CAVIN4: variants seen among roughly 807,000 people sequenced by gnomAD.
CAVIN4 encodes caveolae associated protein 4, also known as caveolae-associated protein 4.
In CAVIN4, 10 loss-of-function variants were observed where a neutral mutation model predicts 18.6. The ratio of observed to expected loss-of-function variants is 0.54; its 90% CI spans 0.33 to 0.91. The LOEUF is 0.91. Among genes scored for constraint, CAVIN4 ranks in the 40% least tolerant of loss-of-function variants. The pLI is 0.02. For synonymous variants in CAVIN4, 173 were observed against 164.8 expected (o/e 1.05, Z -0.38); for missense variants, 459 against 440.5 (o/e 1.04, Z -0.38).
intron 1 of CAVIN4, among the ~76,000 whole-genome samples, chr9:100,585,185 T>C (rs1839463897): frequency 6.6e-6 from 1 of 152,186 alleles, no homozygotes; most frequent in Admixed American, 6.5e-5. Flanking sequence ...AGGGCCGGAA[T>C]CAAGACATTG....
chr9:100,585,823 A>G lies in CAVIN4; in HGVS notation c.467A>G (p.Asn156Ser). 6.2e-7 allele frequency: 1 copy of G among 1,614,128 alleles called. No individual in the cohort carries two copies. The highest frequency in any genetic ancestry group is 8.5e-7 in the Non-Finnish European group (1 of 1,180,022). ...GTTAAAGACAGAAACCTAACTGAGA[A>G]CCAAGAAGAGGATGATGATGATATC... ...SVVKDRNLTE[N>S]QEEDDDDIFD... The change falls in exon 2 of 2, where the codon AAC (asparagine) becomes AGC (serine). Residue 156 changes from asparagine to serine, a missense_variant. Asn to Ser is a conservative substitution (Grantham distance 46, BLOSUM62 1). Coordinates refer to ENST00000307584, the MANE Select transcript of CAVIN4 (RefSeq NM_001018116.2).
intron 1 of CAVIN4, among the ~76,000 whole-genome samples, chr9:100,585,296 A>G (rs1196901004): frequency 6.6e-6 from 1 of 152,106 alleles, no homozygotes; most frequent in Non-Finnish European, 1.5e-5. Flanking sequence ...AGGAGAGGAA[A>G]TATTTGGGAT....
Position 100,586,647 on chromosome 9 carries a change from C to T in CAVIN4, c.*196C>T. Reference sequence around the variant, plus strand: ...GCTGTGGATTTTTTAGTTCCTTTCTCTTGTCCACCAGAAAAATAGTTTCCT... The same window carrying T: ...GCTGTGGATTTTTTAGTTCCTTTCTTTTGTCCACCAGAAAAATAGTTTCCT... On this transcript the variant is annotated 3_prime_UTR_variant, in exon 2 of 2. Transcript: ENST00000307584. 1 of 434,508 alleles carries T rather than the reference C, an allele frequency of 2.3e-6. No individual in the cohort carries two copies. Among genetic ancestry groups the T allele is most frequent in the East Asian group, 3.9e-5 (1 of 25,342 alleles). 26.9% of individuals were successfully genotyped at this position (434,508 alleles called of 1,614,324 possible).
At chr9:100,585,323 C>T (rs1253415051) in intron 1 of CAVIN4, among the ~76,000 whole-genome samples, 1 of 152,098 alleles carries the variant, frequency 6.6e-6, no homozygotes, top group East Asian at 1.9e-4. Context: ...TCAGGTGTTT[C>T]TATCTTATGT....
At chr9:100,579,364 T>A (rs1839405003) in intron 1 of CAVIN4, among the ~76,000 whole-genome samples, 1 of 152,144 alleles carries the variant, frequency 6.6e-6, no homozygotes, top group Non-Finnish European at 1.5e-5. Flanking sequence ...TGAACATTCC[T>A]TCACAGTAGA....
rs1839390330 is a variant in CAVIN4 at position 100,578,355 on chromosome 9, A to T, written c.212A>T (p.Asp71Val). The change falls in exon 1 of 2, where the codon GAC (aspartate) becomes GTC (valine). Residue 71 changes from aspartate (D) to valine (V), a missense_variant. Coordinates refer to ENST00000307584, the MANE Select transcript of CAVIN4 (RefSeq NM_001018116.2). ...AATGCCATAAAATCCGTCCAGATTG[A>T]CCTGTTGAAGCTTTCACAGTCGCAT... ...MENAIKSVQIDLLKLSQSHSN... is the reference protein window; with the variant it reads ...MENAIKSVQIVLLKLSQSHSN... The T allele has an allele frequency of 6.2e-7, 1 of 1,614,086 alleles. No homozygotes were observed. Among genetic ancestry groups the T allele is most frequent in the African/African-American group, 1.3e-5 (1 of 75,014 alleles).
In CAVIN4 at chr9:100,578,175, A is replaced by G. The variant is rs766849829; in HGVS notation, c.32A>G (p.Asp11Gly). 6.2e-7 allele frequency: 1 copy of G among 1,613,926 alleles called. No individual in the cohort carries two copies. The highest frequency in any genetic ancestry group is 1.7e-5 in the Admixed American group (1 of 60,004). MEHNGSASNADKIHQNRLSSV... is the reference protein window; with the variant it reads MEHNGSASNAGKIHQNRLSSV... ...CATAATGGGTCTGCTTCAAATGCTG[A>G]TAAAATCCACCAGAATCGCCTGTCG... The change falls in exon 1 of 2, where the codon GAT becomes GGT. Residue 11 changes from aspartate to glycine, a missense_variant. Coordinates refer to ENST00000307584, the MANE Select transcript of CAVIN4 (RefSeq NM_001018116.2).
Position 100,586,002 on chromosome 9 carries a change from AAGAAAGTGAAC to A in CAVIN4, c.651_661del (p.Lys217AsnfsTer2). On this transcript the variant is annotated frameshift_variant, in exon 2 of 2. Coordinates refer to ENST00000307584, the MANE Select transcript of CAVIN4 (RefSeq NM_001018116.2). ...GCAGAAGACACGGCAGAATCTTGAC[AAGAAAGTGAAC>A]AGAATTAGAACTAGAATAGTGACCC... 1 of 1,614,216 alleles carries A rather than the reference AAGAAAGTGAAC, an allele frequency of 6.2e-7. No individual in the cohort carries two copies. The highest frequency in any genetic ancestry group is 1.1e-5 in the South Asian group (1 of 91,084).
At chr9:100,581,490 A>C (rs906194692) in intron 1 of CAVIN4, 2 of 152,246 alleles carry the variant, frequency 1.3e-5, no homozygotes, top group African/African-American at 4.8e-5. Context: ...AAAAGATACA[A>C]TTATATTTGG....
At chr9:100,580,266 C>T (rs1371255163) in intron 1 of CAVIN4, among the ~76,000 whole-genome samples, 2 of 151,630 alleles carry the variant, frequency 1.3e-5, no homozygotes, top group African/African-American at 4.9e-5. Flanking sequence ...TGCACTCCAG[C>T]GTGGGTGATA....
At chr9:100,583,160 G>A (rs534375360) in intron 1 of CAVIN4, among the ~76,000 whole-genome samples, 1 of 151,946 alleles carries the variant, frequency 6.6e-6, no homozygotes, top group Non-Finnish European at 1.5e-5. Context: ...CCTAAATTTG[G>A]GTGTCTAGCC....
chr9:100,586,342 A>G lies in CAVIN4; in HGVS notation c.986A>G (p.His329Arg), dbSNP rs1476193798. 1 of 1,614,078 alleles carries G rather than the reference A, an allele frequency of 6.2e-7. No individual in the cohort carries two copies. The highest frequency in any genetic ancestry group is 1.1e-5 in the South Asian group (1 of 91,064). ...GCAGCCAGGCCGGTGTATCCTCCCC[A>G]TGAAGGAAGGGAAATCCCCACCCCC... ...HEAARPVYPP[H>R]EGREIPTPEP... The change falls in exon 2 of 2, where the codon CAT (histidine) becomes CGT (arginine). Residue 329 changes from histidine (H) to arginine (R), a missense_variant. His to Arg is a conservative substitution (Grantham distance 29, BLOSUM62 0). Coordinates refer to ENST00000307584, the MANE Select transcript of CAVIN4 (RefSeq NM_001018116.2).
intron 1 of CAVIN4, among the ~76,000 whole-genome samples, chr9:100,583,612 CATTT>C (rs201404994): frequency 0.085 from 12,081 of 142,752 alleles, 604 homozygotes; most frequent in Non-Finnish European, 0.12. Context: ...TCCTGCAAGC[CATTT>C]ATTCATTCAT....
chr9:100,580,725 C>T (rs1228780992), intron 1 of CAVIN4, among the ~76,000 whole-genome samples: 2 of 152,224 alleles, frequency 1.3e-5, no homozygotes, highest in Admixed American at 1.3e-4. Flanking sequence ...GGGCACATCT[C>T]TTCTCTTGTA....
chr9:100,578,581 G>A (rs1450060326), intron 1 of CAVIN4, 30 bp downstream of exon 1: 2 of 1,610,616 alleles, frequency 1.2e-6, no homozygotes, highest in African/African-American at 1.3e-5. Context: ...CAGCTTGCTT[G>A]TTCTAATCTC....
In CAVIN4 at chr9:100,586,691, G is replaced by T; in HGVS notation, c.*240G>T. ...GTTTCCTAGGTTGGGCCAGTTACGTGTTTGGTAAGGGCAACTTTGCGGCCG... is the reference window on the plus strand; with the variant it reads ...GTTTCCTAGGTTGGGCCAGTTACGTTTTTGGTAAGGGCAACTTTGCGGCCG... On this transcript the variant is annotated 3_prime_UTR_variant, in exon 2 of 2. Transcript: ENST00000307584. The T allele has an allele frequency of 3.0e-6, 1 of 336,858 alleles. No individual in the cohort carries two copies. The highest frequency in any genetic ancestry group is 5.4e-6 in the Non-Finnish European group (1 of 186,076). The allele number at this position is 336,858 out of a possible 1,614,324, so 20.9% of individuals were successfully genotyped here.
intron 1 of CAVIN4, among the ~76,000 whole-genome samples, chr9:100,582,408 C>T (rs1019451057): frequency 1.3e-5 from 2 of 152,054 alleles, no homozygotes; most frequent in Admixed American, 1.3e-4. Context: ...TTCTACGGTG[C>T]AATCATAGCT....
rs758961734 is a variant in CAVIN4 at position 100,586,475 on chromosome 9, T to C, written c.*24T>C. On this transcript the variant is annotated 3_prime_UTR_variant, in exon 2 of 2. Coordinates refer to ENST00000307584, the MANE Select transcript of CAVIN4 (RefSeq NM_001018116.2). ...AAAGAGGAATTAAGTATATCCTAAATATGAATCTCCTAATCATGCAGTTTT... is the reference window on the plus strand; with the variant it reads ...AAAGAGGAATTAAGTATATCCTAAACATGAATCTCCTAATCATGCAGTTTT... 6 of 1,585,468 alleles carry C rather than the reference T, an allele frequency of 3.8e-6. No homozygotes were observed. The highest frequency in any genetic ancestry group is 5.2e-6 in the Non-Finnish European group (6 of 1,159,030).
intron 1 of CAVIN4, among the ~76,000 whole-genome samples, chr9:100,580,442 C>G (rs1970632): frequency 0.1 from 15,289 of 152,312 alleles, 965 homozygotes; most frequent in Middle Eastern, 0.17. Flanking sequence ...TTACCCTCCA[C>G]TGGCATGGGC....
Sources: allele counts gnomAD v4.1 joint callset (sites outside exome capture counted in the v4.1 genomes callset), GRCh38; gene constraint gnomAD v4.1.1; transcripts MANE v1.5; gene names NCBI Gene and HGNC (gene_info 2026-07-23, HGNC 2026-07-21).